The following PHF21B variants were observed in gnomAD, a reference collection of about 807,000 sequenced individuals.
The protein encoded by PHF21B is PHD finger protein 4.
Under a neutral mutation model 62.2 loss-of-function variants are expected in PHF21B, and 22 were observed. The observed-to-expected ratio is 0.35, with a 90% CI of 0.25 to 0.51. PHF21B has a LOEUF of 0.51. Among genes scored for constraint, PHF21B ranks in the 20% least tolerant of loss-of-function variants. The probability of loss-of-function intolerance (pLI) is 0.97; values close to 1 mark genes in which losing one functional copy is unlikely to be tolerated. For synonymous variants in PHF21B, 341 were observed against 314.7 expected, an observed-to-expected ratio of 1.08 and a Z score of -0.88; for missense variants, 701 against 707.9, an observed-to-expected ratio of 0.99 and a Z score of 0.11.
Position 44,937,341 on chromosome 22 carries a change from G to T in PHF21B, c.121-16851C>A, listed in dbSNP as rs553580958. Among the ~76,000 whole-genome samples, 163 of 152,286 alleles carry T rather than the reference G, an allele frequency of 1.1e-3. 1 individual carries two copies. Among genetic ancestry groups the T allele is most frequent in the Non-Finnish European group, 1.3e-3 (91 of 68,014 alleles). Reference sequence around the variant, plus strand: ...GGAGCCTCAAAGGCTGGGCAGAGACGGAGACATCACAGCCAGGCGGCCACC... The same window carrying T: ...GGAGCCTCAAAGGCTGGGCAGAGACTGAGACATCACAGCCAGGCGGCCACC... On this transcript the variant is annotated intron_variant, in intron 2 of 12. Coordinates refer to ENST00000313237, the MANE Select transcript of PHF21B (RefSeq NM_138415.5).
Position 45,007,223 on chromosome 22 carries a change from GC to G in PHF21B, c.120+1321del, listed in dbSNP as rs1162843211. Among the ~76,000 whole-genome samples, 67 of 42,454 alleles carry G rather than the reference GC, an allele frequency of 1.6e-3. No homozygotes were observed. In the South Asian group the frequency reaches 0.038, roughly 24 times the overall value. 27.9% of individuals were successfully genotyped at this position (42,454 alleles called of 152,430 possible). A position where few individuals can be genotyped will look rare whatever the true frequency, so the allele number is the denominator to read the frequency against. On this transcript the variant is annotated intron_variant, in intron 2 of 12. Coordinates refer to ENST00000313237, the MANE Select transcript of PHF21B (RefSeq NM_138415.5). ...TGCCATCTTCCTTTCAGCAAGCCCG[GC>G]CCCCCCCAAAACCCGCCACTCGCGC...
intron 8 of PHF21B, among the ~76,000 whole-genome samples, 167 bp downstream of exon 8, chr22:44,891,139 G>C (rs937360339): frequency 6.6e-6 from 1 of 152,154 alleles, no homozygotes. Flanking sequence ...CAGGAGGAGC[G>C]GGGAGGTGGG....
Position 44,891,382 on chromosome 22 carries a change from C to G in PHF21B, c.961-22G>C, listed in dbSNP as rs758408712. The G allele has an allele frequency of 5.6e-6, 9 of 1,612,062 alleles. No individual in the cohort carries two copies. The East Asian group carries it at 2.0e-4, about 36-fold the overall frequency. Reference sequence around the variant, plus strand: ...TCCTCTGCAGGGACAGAAAACAAAACAACACACCCCATCATCTGGAGGCTC... The same window carrying G: ...TCCTCTGCAGGGACAGAAAACAAAAGAACACACCCCATCATCTGGAGGCTC... On this transcript the variant is annotated intron_variant, in intron 7 of 12. Transcript: ENST00000313237.
In PHF21B at chr22:45,009,059, C is replaced by A; in HGVS notation, c.54+437G>T. On this transcript the variant is annotated intron_variant, in intron 1 of 12. Transcript: ENST00000313237. This position sits in a 1 kb window ranked among gnomAD's most constrained non-coding sequence, Gnocchi z 5.9. The stretch of plus-strand genomic sequence containing the variant: ...ACGCCGAGCCCCGCTCAGGCTCCGG[C>A]CGCCACGCCGCCGCTCGCCAGCAGC... 1 of 1,117,192 alleles carries A rather than the reference C, an allele frequency of 9.0e-7. No individual in the cohort carries two copies. Among genetic ancestry groups the A allele is most frequent in the South Asian group, 4.3e-5 (1 of 23,444 alleles). 69.2% of individuals were successfully genotyped at this position (1,117,192 alleles called of 1,614,324 possible).
rs968181198 is a variant in PHF21B, at chr22:44,934,176, G to A, written c.121-13686C>T. On this transcript the variant is annotated intron_variant, in intron 2 of 12. Transcript: ENST00000313237. ...GCCACAAGGCAGGGGGCCTTTGCAC[G>A]GGGCTCAGAGTCCCATCGGCCACTT... Among the ~76,000 whole-genome samples, 60 of 152,264 alleles carry A rather than the reference G, an allele frequency of 3.9e-4. 1 individual carries two copies. Among genetic ancestry groups the A allele is most frequent in the Admixed American group, 1.3e-4 (2 of 15,302 alleles).
chr22:45,007,398 G>T (rs888572581), intron 2 of PHF21B, among the ~76,000 whole-genome samples: 1 of 148,950 alleles, frequency 6.7e-6, no homozygotes, highest in Non-Finnish European at 1.5e-5. Context: ...GGGGGCGTCC[G>T]ATCCGGCGGC....
chr22:44,975,166 A>G (rs995037397), intron 2 of PHF21B, among the ~76,000 whole-genome samples: 6 of 151,648 alleles, frequency 4.0e-5, no homozygotes, highest in African/African-American at 1.5e-4. Flanking sequence ...TCCTCCTCTC[A>G]CCCCTTCTCC....
chr22:44,890,731 G>T (rs1450120507), intron 8 of PHF21B, among the ~76,000 whole-genome samples: 1 of 152,266 alleles, frequency 6.6e-6, no homozygotes, highest in African/African-American at 2.4e-5. Flanking sequence ...TGGCAGAGGA[G>T]GGAGGGGCCC....
At chr22:44,925,838 G>T (rs1047672690) in intron 2 of PHF21B, among the ~76,000 whole-genome samples, 1 of 152,172 alleles carries the variant, frequency 6.6e-6, no homozygotes, top group Admixed American at 6.5e-5. Flanking sequence ...ACAAAGCAAG[G>T]TGTGTGGAAG....
chr22:45,004,389 T>G (rs1601703110), intron 2 of PHF21B, among the ~76,000 whole-genome samples: 1 of 149,418 alleles, frequency 6.7e-6, no homozygotes, highest in African/African-American at 2.5e-5. Context: ...GTGTGGGGGG[T>G]GTGAGAGGTG....
intron 5 of PHF21B, among the ~76,000 whole-genome samples, chr22:44,905,312 T>C (rs1202470359): frequency 6.6e-6 from 1 of 152,250 alleles, no homozygotes; most frequent in Non-Finnish European, 1.5e-5. Context: ...GTTCCTGCCG[T>C]CTAGTAAGCT....
chr22:45,008,651 G>T, intron 1 of PHF21B, 41 bp from the exon 2 acceptor site: 1 of 1,538,436 alleles, frequency 6.5e-7, no homozygotes, highest in Non-Finnish European at 8.8e-7. Context: ...AGGCCACCCG[G>T]GGTCAGGTGC....
At chr22:45,007,582 A>C (rs1484950230) in intron 2 of PHF21B, among the ~76,000 whole-genome samples, 3 of 14,640 alleles carry the variant, frequency 2.0e-4, no homozygotes, top group South Asian at 1.6e-3. Context: ...GGGAGGGGGC[A>C]GCGGAGGGAG....
intron 2 of PHF21B, chr22:45,001,914 AAGTGAGAC>A (rs1447207351): frequency 6.6e-6 from 1 of 152,250 alleles, no homozygotes; most frequent in African/African-American, 2.4e-5. Flanking sequence ...GGGCAGGAAG[AAGTGAGAC>A]CCGCGCTTTA....
rs147787679 is a variant in PHF21B at position 45,004,963 on chromosome 22, C to T, written c.120+3582G>A. Among the ~76,000 whole-genome samples the T allele has an allele frequency of 9.8e-4, 149 of 152,336 alleles. 1 individual carries two copies. The East Asian group carries it at 0.027, about 28-fold the overall frequency. ...ACAGCAGCATGGACTGCGGTTCAAA[C>T]AGAAGGCTCTTCCCAACCTGACTGT... On this transcript the variant is annotated intron_variant, in intron 2 of 12. Coordinates refer to ENST00000313237, the MANE Select transcript of PHF21B (RefSeq NM_138415.5).
At chr22:44,931,943 G>A (rs969944399) in intron 2 of PHF21B, among the ~76,000 whole-genome samples, 1 of 152,176 alleles carries the variant, frequency 6.6e-6, no homozygotes, top group Admixed American at 6.5e-5. Flanking sequence ...CAGCCTGCTG[G>A]GAATGTCCAA....
intron 2 of PHF21B, among the ~76,000 whole-genome samples, chr22:44,938,235 T>G (rs961657333): frequency 6.6e-6 from 1 of 151,998 alleles, no homozygotes; most frequent in East Asian, 1.9e-4. Flanking sequence ...CCACCATGCC[T>G]GGTTTTTTGT....
chr22:44,955,519 G>A (rs1335844577), intron 2 of PHF21B, among the ~76,000 whole-genome samples: 4 of 152,170 alleles, frequency 2.6e-5, no homozygotes, highest in Non-Finnish European at 1.5e-5. Flanking sequence ...CCACCAATTC[G>A]GGTGGGCATC....
chr22:44,893,582 A>G (rs746357195), intron 6 of PHF21B, 49 bp from the exon 7 acceptor site: 1 of 1,538,046 alleles, frequency 6.5e-7, no homozygotes, highest in Non-Finnish European at 8.8e-7. Context: ...TGCCCTGGGA[A>G]CCCCAAATGC....
Sources: gnomAD v4.1 joint callset for allele counts (sites outside exome capture counted in the v4.1 genomes callset) on GRCh38, gnomAD v4.1.1 for gene constraint, Gnocchi (gnomAD v3.1) non-coding constraint, MANE v1.5 for transcripts, NCBI Gene and HGNC (gene_info 2026-07-23, HGNC 2026-07-21) for gene names.